PTPRD: variants seen among roughly 807,000 people sequenced by gnomAD.
The protein encoded by PTPRD is receptor-type tyrosine-protein phosphatase delta.
A neutral mutation model predicts 214.5 loss-of-function variants in PTPRD; 34 were observed. That is an observed-to-expected ratio of 0.16 (90% CI 0.12 to 0.21). The LOEUF (loss-of-function observed/expected upper bound fraction) is 0.21, where lower values mean the gene tolerates loss of function less well. Among genes scored for constraint, PTPRD ranks in the 10% least tolerant of loss-of-function variants. PTPRD has a pLI of 1.00. For missense variants in PTPRD, 2,545 were observed against 2,398.7 expected (o/e 1.06, Z -1.27); for synonymous variants, 1,128 against 845.7 (o/e 1.33, Z -5.79).
rs1589690173 is a variant in PTPRD at position 8,408,718 on chromosome 9, C to T, written c.4087-4058G>A. Among the ~76,000 whole-genome samples, 7 of 152,036 alleles carry T rather than the reference C, an allele frequency of 4.6e-5. No homozygotes were observed. The South Asian group carries it at 1.2e-3, about 27-fold the overall frequency. ...AGCGTCTAAAGTTTTACCAAGATGCCGCACCATTTTACATTGCTTCCCTGC... is the reference window on the plus strand; with the variant it reads ...AGCGTCTAAAGTTTTACCAAGATGCTGCACCATTTTACATTGCTTCCCTGC... On this transcript the variant is annotated intron_variant, in intron 35 of 45. Coordinates refer to ENST00000381196, the MANE Select transcript of PTPRD (RefSeq NM_002839.4).
intron 21 of PTPRD, among the ~76,000 whole-genome samples, chr9:8,514,907 C>T (rs770188617): frequency 1.4e-4 from 22 of 152,046 alleles, no homozygotes; most frequent in Admixed American, 3.9e-4. Flanking sequence ...TGAATTCTCA[C>T]GAGATCTAAT....
At position 10,053,851 on chromosome 9, in the gene PTPRD, C is replaced by T. The variant is rs551552254; in HGVS notation, c.-544-20061G>A. Among the ~76,000 whole-genome samples the T allele has an allele frequency of 1.6e-3, 243 of 152,192 alleles. 2 individuals are homozygous for T. The highest frequency in any genetic ancestry group is 5.7e-3 in the African/African-American group (238 of 41,520). On this transcript the variant is annotated intron_variant, in intron 3 of 45. Coordinates refer to ENST00000381196, the MANE Select transcript of PTPRD (RefSeq NM_002839.4). ...TTGGCTCACTGCAACCTCCGCCTCA[C>T]GGGTTCAAGAGAGTCTCGTGCCTCA...
Position 10,133,707 on chromosome 9 carries a change from T to G in PTPRD, c.-544-99917A>C, listed in dbSNP as rs538820761. On this transcript the variant is annotated intron_variant, in intron 3 of 45. Transcript: ENST00000381196. ...TGTTCACCAATAGATAGTAACAAAG[T>G]TAATTAGTATGTGCCTGTTTTAAAT... Among the ~76,000 whole-genome samples the G allele has an allele frequency of 2.0e-5, 3 of 152,242 alleles. 1 individual carries two copies. In the South Asian group the frequency reaches 6.2e-4, roughly 32 times the overall value.
intron 4 of PTPRD, among the ~76,000 whole-genome samples, chr9:9,966,794 T>G (rs2094735744): frequency 6.6e-6 from 1 of 152,028 alleles, no homozygotes; most frequent in South Asian, 2.1e-4. Flanking sequence ...ATACAAAAAC[T>G]TACAGATGCT....
intron 11 of PTPRD, among the ~76,000 whole-genome samples, chr9:8,894,273 T>C (rs918841298): frequency 4.8e-5 from 7 of 146,342 alleles, no homozygotes; most frequent in Admixed American, 4.3e-4. Flanking sequence ...GATTATTGCT[T>C]GAACCTGGGA....
intron 2 of PTPRD, among the ~76,000 whole-genome samples, chr9:10,378,158 A>C (rs2097763715): frequency 6.6e-6 from 1 of 152,050 alleles, no homozygotes; most frequent in South Asian, 2.1e-4. Flanking sequence ...TTCTCTGATG[A>C]TCAATGATGG....
intron 12 of PTPRD, among the ~76,000 whole-genome samples, chr9:8,640,590 AG>A (rs1376026520): frequency 4.2e-4 from 63 of 151,054 alleles, no homozygotes; most frequent in African/African-American, 1.4e-3. Flanking sequence ...AAAACCTAAA[AG>A]GGCTCTTAAA....
chr9:9,430,513 A>G (rs2082671902), intron 8 of PTPRD, among the ~76,000 whole-genome samples: 1 of 152,204 alleles, frequency 6.6e-6, no homozygotes, highest in African/African-American at 2.4e-5. Context: ...ATCCCCATGA[A>G]GCTACCAATG....
intron 8 of PTPRD, among the ~76,000 whole-genome samples, chr9:9,560,708 A>T (rs2082698243): frequency 6.6e-6 from 1 of 152,176 alleles, no homozygotes; most frequent in African/African-American, 2.4e-5. Context: ...GTGGATGGGC[A>T]GAAAGTACAC....
chr9:10,127,179 T>C (rs1488945226), intron 3 of PTPRD, among the ~76,000 whole-genome samples: 1 of 149,932 alleles, frequency 6.7e-6, no homozygotes, highest in African/African-American at 2.4e-5. Flanking sequence ...TGTGTTCTTC[T>C]AGCAAAGCAC....
intron 9 of PTPRD, among the ~76,000 whole-genome samples, chr9:9,327,622 G>A (rs2040514048): frequency 6.6e-6 from 1 of 152,032 alleles, no homozygotes; most frequent in Non-Finnish European, 1.5e-5. Flanking sequence ...ATTGCAAGAG[G>A]TTTATTCTAG....
intron 35 of PTPRD, among the ~76,000 whole-genome samples, chr9:8,409,250 A>C (rs1222762926): frequency 6.6e-6 from 1 of 152,178 alleles, no homozygotes; most frequent in Non-Finnish European, 1.5e-5. Context: ...TGAGGTATAG[A>C]TAAGACAAAT....
intron 14 of PTPRD, among the ~76,000 whole-genome samples, chr9:8,585,173 T>C (rs1332073256): frequency 6.6e-6 from 1 of 152,178 alleles, no homozygotes. Context: ...GATCTTCAAA[T>C]ATGAAATATG....
chr9:8,608,830 G>C (rs2095337407), intron 14 of PTPRD, among the ~76,000 whole-genome samples: 1 of 152,156 alleles, frequency 6.6e-6, no homozygotes, highest in African/African-American at 2.4e-5. Context: ...GGATCTTCAT[G>C]AATCGGGCCA....
intron 10 of PTPRD, among the ~76,000 whole-genome samples, chr9:9,042,555 T>G (rs2099643287): frequency 6.6e-6 from 1 of 152,012 alleles, no homozygotes; most frequent in South Asian, 2.1e-4. Flanking sequence ...TTAGAGTCAC[T>G]TAAGACTTGT....
chr9:9,810,926 G>C (rs116310841), intron 5 of PTPRD, among the ~76,000 whole-genome samples: 1 of 151,662 alleles, frequency 6.6e-6, no homozygotes, highest in Admixed American at 6.6e-5. Context: ...ATGGGAGGAA[G>C]TCAAAATAGC....
At chr9:9,199,628 G>C (rs549697176) in intron 9 of PTPRD, among the ~76,000 whole-genome samples, 1 of 152,246 alleles carries the variant, frequency 6.6e-6, no homozygotes, top group Admixed American at 6.5e-5. Flanking sequence ...TATTTGGAAA[G>C]ATGAATATAA....
At chr9:8,397,305 G>C (rs2091423234) in intron 36 of PTPRD, among the ~76,000 whole-genome samples, 1 of 152,106 alleles carries the variant, frequency 6.6e-6, no homozygotes, top group Admixed American at 6.6e-5. Flanking sequence ...GGTAATATGG[G>C]AAGGAGCACA....
intron 5 of PTPRD, among the ~76,000 whole-genome samples, chr9:9,910,443 T>C (rs2078868951): frequency 6.6e-6 from 1 of 151,950 alleles, no homozygotes; most frequent in African/African-American, 2.4e-5. Flanking sequence ...TAGAAGAAAA[T>C]ATACTGAGCT....
Sources: gnomAD v4.1 joint callset for allele counts (sites outside exome capture counted in the v4.1 genomes callset) on GRCh38, gnomAD v4.1.1 for gene constraint, MANE v1.5 for transcripts, NCBI Gene and HGNC (gene_info 2026-07-23, HGNC 2026-07-21) for gene names.